The following PRKAG2 variants were observed in gnomAD, a reference collection of about 807,000 sequenced individuals.
PRKAG2 encodes the protein 5'-AMP-activated protein kinase subunit gamma-2.
Under a neutral mutation model 69.6 loss-of-function variants are expected in PRKAG2, and 26 were observed. The ratio of observed to expected loss-of-function variants is 0.37; its 90% CI spans 0.27 to 0.52. The LOEUF (loss-of-function observed/expected upper bound fraction) is 0.52. Among genes scored for constraint, PRKAG2 ranks in the 20% least tolerant of loss-of-function variants. The probability of loss-of-function intolerance (pLI) is 0.90; values close to 1 mark genes in which losing one functional copy is unlikely to be tolerated. For synonymous variants in PRKAG2, 293 were observed against 285.0 expected (o/e 1.03, Z -0.28); for missense variants, 557 against 740.0 (o/e 0.75, Z 2.87).
At position 151,876,831 on chromosome 7, in the gene PRKAG2, A is replaced by G. The variant is rs1464660756; in HGVS notation, c.-211T>C. 12 of 620,684 alleles carry G rather than the reference A, an allele frequency of 1.9e-5. No individual in the cohort carries two copies. Among genetic ancestry groups the G allele is most frequent in the Non-Finnish European group, 2.9e-5 (10 of 347,332 alleles). The allele number at this position is 620,684 out of a possible 1,614,324, so 38.4% of individuals were successfully genotyped here. A position where few individuals can be genotyped will look rare whatever the true frequency, so the allele number is the denominator to read the frequency against. ...CGAATTCAAGCGTCCTTTCCTACGG[A>G]ACCCTCGTAGGCAAATCAGTCAAAG... On this transcript the variant is annotated 5_prime_UTR_variant, in exon 1 of 16. Coordinates refer to ENST00000287878, the MANE Select transcript of PRKAG2 (RefSeq NM_016203.4).
In PRKAG2 at chr7:151,608,393, C is replaced by G. The variant is rs543308307; in HGVS notation, c.755-12939G>C. ...GCCCCTCAGGTCGGAATTAACTGCTCCAGTTTTGACATGCCTGTTAATGCT... is the reference window on the plus strand; with the variant it reads ...GCCCCTCAGGTCGGAATTAACTGCTGCAGTTTTGACATGCCTGTTAATGCT... On this transcript the variant is annotated intron_variant, in intron 5 of 15. Transcript: ENST00000287878. Among the ~76,000 whole-genome samples, 17 of 152,312 alleles carry G rather than the reference C, an allele frequency of 1.1e-4. No homozygotes were observed. The South Asian group carries it at 1.4e-3, about 13-fold the overall frequency.
chr7:151,656,939 C>G (rs1445324529), intron 4 of PRKAG2, among the ~76,000 whole-genome samples: 5 of 151,866 alleles, frequency 3.3e-5, no homozygotes, highest in African/African-American at 1.2e-4. Context: ...GAGTTCGAGA[C>G]CAGCCTGGCC....
chr7:151,802,989 G>C (rs942511378), intron 1 of PRKAG2, among the ~76,000 whole-genome samples: 1 of 149,710 alleles, frequency 6.7e-6, no homozygotes, highest in Non-Finnish European at 1.5e-5. Context: ...ACAGGGTCTC[G>C]CTCTGTTGCT....
chr7:151,852,221 C>T (rs11772588), intron 1 of PRKAG2, among the ~76,000 whole-genome samples: 5 of 152,048 alleles, frequency 3.3e-5, no homozygotes, highest in African/African-American at 4.8e-5. Flanking sequence ...TAAGCCCTGG[C>T]GGGGCACAGA....
At chr7:151,759,604 A>C (rs1404187491) in intron 3 of PRKAG2, among the ~76,000 whole-genome samples, 1 of 152,166 alleles carries the variant, frequency 6.6e-6, no homozygotes, top group African/African-American at 2.4e-5. Flanking sequence ...TCTGTCTGGG[A>C]GGCGCATTTG....
intron 5 of PRKAG2, among the ~76,000 whole-genome samples, chr7:151,601,243 G>C (rs1301971170): frequency 1.3e-5 from 2 of 152,194 alleles, no homozygotes; most frequent in Non-Finnish European, 2.9e-5. Context: ...GACCTGGAAA[G>C]GGTAAGGAAA....
chr7:151,637,606 G>T (rs1365937278), intron 4 of PRKAG2, among the ~76,000 whole-genome samples: 1 of 152,000 alleles, frequency 6.6e-6, no homozygotes, highest in Non-Finnish European at 1.5e-5. Flanking sequence ...ATATGCTAGT[G>T]GGATTGAATT....
intron 5 of PRKAG2, among the ~76,000 whole-genome samples, chr7:151,615,795 C>T (rs1434442456): frequency 6.6e-6 from 1 of 152,150 alleles, no homozygotes; most frequent in East Asian, 1.9e-4. Context: ...ATACACATGG[C>T]TAACAAGAAT....
At chr7:151,604,403 G>A (rs1258326288) in intron 5 of PRKAG2, among the ~76,000 whole-genome samples, 4 of 152,158 alleles carry the variant, frequency 2.6e-5, no homozygotes, top group East Asian at 1.9e-4. Context: ...TTGGGAGGCC[G>A]AGGCAGGAGG....
At chr7:151,568,600 G>A (rs895499260) in intron 11 of PRKAG2, 116 bp downstream of exon 11, 12 of 1,106,316 alleles carry the variant, frequency 1.1e-5, no homozygotes, top group African/African-American at 4.7e-5. Context: ...TTTAGAAAGG[G>A]AGACCTCAAA....
In PRKAG2 at chr7:151,719,682, C is replaced by T. The variant is rs1796727386; in HGVS notation, c.467-44045G>A. Among the ~76,000 whole-genome samples the T allele has an allele frequency of 1.3e-5, 2 of 152,194 alleles. No homozygotes were observed. The highest frequency in any genetic ancestry group is 4.2e-4 in the South Asian group (2 of 4,788). The stretch of plus-strand genomic sequence containing the variant: ...GACCTGCATTCCTGCCTGGGTCCCG[C>T]CCACAGCACCACTGTCTTGCGATGG... On this transcript the variant is annotated intron_variant, in intron 3 of 15. Coordinates refer to ENST00000287878, the MANE Select transcript of PRKAG2 (RefSeq NM_016203.4). This position sits in a 1 kb window ranked among gnomAD's most constrained non-coding sequence, Gnocchi z 5.2.
intron 1 of PRKAG2, among the ~76,000 whole-genome samples, chr7:151,839,396 T>C (rs1387640220): frequency 6.6e-6 from 1 of 152,210 alleles, no homozygotes; most frequent in East Asian, 1.9e-4. Flanking sequence ...CGTCCAGCCC[T>C]AACCCTGACC....
intron 3 of PRKAG2, among the ~76,000 whole-genome samples, chr7:151,715,049 C>G (rs143797013): frequency 0.24 from 34,777 of 145,764 alleles, 4,396 homozygotes; most frequent in South Asian, 0.47. Flanking sequence ...GAGTTTCGCT[C>G]TTGTTGCCCA....
At chr7:151,670,200 C>T (rs1367551770) in intron 4 of PRKAG2, among the ~76,000 whole-genome samples, 24 of 152,140 alleles carry the variant, frequency 1.6e-4, no homozygotes, top group Non-Finnish European at 1.5e-5. Flanking sequence ...ACATATACAC[C>T]CTGCCCTCTT....
rs1837308877 is a variant in PRKAG2 at position 151,699,505 on chromosome 7, G to T, written c.467-23868C>A. On this transcript the variant is annotated intron_variant, in intron 3 of 15. Transcript: ENST00000287878. This position sits in a 1 kb window ranked among gnomAD's most constrained non-coding sequence, Gnocchi z 4.5. ...CAGGAGGCCCCTCCTTCCTGTTGGA[G>T]ATGTTTAGTTTTATGATTAAGAAAT... Among the ~76,000 whole-genome samples the T allele has an allele frequency of 6.6e-6, 1 of 152,232 alleles. No individual in the cohort carries two copies. Among genetic ancestry groups the T allele is most frequent in the African/African-American group, 2.4e-5 (1 of 41,472 alleles).
intron 6 of PRKAG2, among the ~76,000 whole-genome samples, chr7:151,576,983 TC>T (rs1053319615): frequency 1.3e-3 from 131 of 99,690 alleles, no homozygotes; most frequent in Non-Finnish European, 2.3e-3. Context: ...GCAATTAACT[TC>T]TTTTTTTTTT....
chr7:151,581,585 AT>A (rs1810482531), intron 6 of PRKAG2, among the ~76,000 whole-genome samples: 1 of 146,690 alleles, frequency 6.8e-6, no homozygotes, highest in East Asian at 2.1e-4. Context: ...TAGTGTAATA[AT>A]TTAAAAAAAC....
chr7:151,678,621 G>A (rs1008315128), intron 3 of PRKAG2, among the ~76,000 whole-genome samples: 1 of 152,114 alleles, frequency 6.6e-6, no homozygotes, highest in Non-Finnish European at 1.5e-5. Flanking sequence ...GTTAGGACCC[G>A]AAACTTAAAA....
intron 3 of PRKAG2, among the ~76,000 whole-genome samples, chr7:151,703,905 CACACAAAT>C (rs1247083893): frequency 2.3e-5 from 3 of 130,012 alleles, no homozygotes; most frequent in African/African-American, 9.3e-5. Context: ...CACACACACA[CACACAAAT>C]TAGCTAGGCA....
Sources: allele counts gnomAD v4.1 joint callset (sites outside exome capture counted in the v4.1 genomes callset), GRCh38; gene constraint gnomAD v4.1.1; non-coding constraint Gnocchi (gnomAD v3.1); transcripts MANE v1.5; gene names NCBI Gene and HGNC (gene_info 2026-07-23, HGNC 2026-07-21).